ODAM: variants seen among roughly 807,000 people sequenced by gnomAD.
The protein encoded by ODAM is odontogenic, ameloblast associated.
A neutral mutation model predicts 48.5 loss-of-function variants in ODAM; 55 were observed. The observed-to-expected ratio is 1.13, with a 90% CI of 0.91 to 1.42. The LOEUF is 1.42. Among genes scored for constraint, ODAM ranks in the 40% most tolerant of loss-of-function variants. ODAM has a pLI of 0.00. For synonymous variants in ODAM, 127 were observed against 107.8 expected, an observed-to-expected ratio of 1.18 and a Z score of -1.10; for missense variants, 353 against 323.6, an observed-to-expected ratio of 1.09 and a Z score of -0.70.
intron 7 of ODAM, 65 bp downstream of exon 7, chr4:70,200,666 T>A: frequency 1.9e-6 from 2 of 1,078,048 alleles, no homozygotes; most frequent in Non-Finnish European, 2.7e-6. Flanking sequence ...TAAGGTATAT[T>A]ACCATAGAAA....
Position 70,202,780 on chromosome 4 carries a change from T to C in ODAM, c.673T>C (p.Leu225=), listed in dbSNP as rs1729531312. Residue 225 remains leucine, a synonymous_variant, in exon 10 of 12, where the codon TTA becomes CTA. Coordinates refer to ENST00000683306, the MANE Select transcript of ODAM (RefSeq NM_017855.4). ...GTCAACAGGAGAAGAGATACCATAT[T>C]TACAAAAAGAAGCGATCAACTTTAG... ...VMSTGEEIPY[L]QKEAINFRHD... is the part of the protein sequence containing the mutation. 6.2e-7 allele frequency: 1 copy of C among 1,610,914 alleles called. No individual in the cohort carries two copies. The highest frequency in any genetic ancestry group is 1.7e-5 in the Admixed American group (1 of 59,570).
chr4:70,198,254 T>C (rs1199671778), intron 5 of ODAM, 97 bp downstream of exon 5: 16 of 1,006,902 alleles, frequency 1.6e-5, no homozygotes, highest in Non-Finnish European at 5.8e-6. Flanking sequence ...CAGGGGTTTT[T>C]GAACAATATT....
intron 6 of ODAM, among the ~76,000 whole-genome samples, chr4:70,199,601 T>C (rs1225025093): frequency 6.6e-6 from 1 of 152,038 alleles, no homozygotes; most frequent in Non-Finnish European, 1.5e-5. Flanking sequence ...CTCTCCATCC[T>C]GGCTTTACAT....
intron 11 of ODAM, 39 bp from the exon 12 acceptor site, chr4:70,204,136 T>TC (rs2109822130): frequency 6.6e-6 from 1 of 152,088 alleles, no homozygotes; most frequent in Non-Finnish European, 1.5e-5. Flanking sequence ...TGCAAAGCAG[T>TC]CCAATGATAT....
chr4:70,199,622 G>A (rs116323800), intron 6 of ODAM, among the ~76,000 whole-genome samples: 1,651 of 151,928 alleles, frequency 0.011, 25 homozygotes, highest in African/African-American at 0.038. Context: ...TAGAATCTCT[G>A]GTGTTTGAAA....
At chr4:70,196,989 C>T (rs572817738) in intron 3 of ODAM, among the ~76,000 whole-genome samples, 5 of 152,148 alleles carry the variant, frequency 3.3e-5, no homozygotes, top group African/African-American at 1.2e-4. Context: ...TAACACCTCA[C>T]ACAGGTGTAT....
At chr4:70,202,148 ATAATT>A (rs1729510156) in intron 8 of ODAM, 105 bp from the exon 9 acceptor site, 4 of 745,834 alleles carry the variant, frequency 5.4e-6, no homozygotes, top group Non-Finnish European at 9.3e-6. Flanking sequence ...TTTTAGCAAA[ATAATT>A]TAAGAAGTTT....
In ODAM at chr4:70,202,583, G is replaced by T. The variant is rs185124921; in HGVS notation, c.649-173G>T. 8.7e-4 allele frequency among the ~76,000 whole-genome samples: 132 copies of T among 151,842 alleles called. 1 individual carries two copies. Among genetic ancestry groups the T allele is most frequent in the Non-Finnish European group, 1.9e-4 (13 of 67,852 alleles). Reference sequence around the variant, plus strand: ...AGATATTAAGAGACAATGTTTGCTGGTATATATTCATGGTCTTTTATGTAG... The same window carrying T: ...AGATATTAAGAGACAATGTTTGCTGTTATATATTCATGGTCTTTTATGTAG... On this transcript the variant is annotated intron_variant, in intron 9 of 11. Coordinates refer to ENST00000683306, the MANE Select transcript of ODAM (RefSeq NM_017855.4).
chr4:70,200,042 T>G, intron 6 of ODAM: 1 of 417,588 alleles, frequency 2.4e-6, no homozygotes, highest in South Asian at 1.8e-5. Context: ...TATGGATTAT[T>G]TTAATAAAGT....
Position 70,198,133 on chromosome 4 carries a change from TCAGACA to T in ODAM, c.354_359del (p.Thr119_Gln120del). 6.2e-7 allele frequency: 1 copy of T among 1,613,106 alleles called. No homozygotes were observed. Among genetic ancestry groups the T allele is most frequent in the East Asian group, 2.2e-5 (1 of 44,816 alleles). On this transcript the variant is annotated inframe_deletion, in exon 5 of 12. Transcript: ENST00000683306. ...ATCCCTTACAGCTTCAAACACCGCC[TCAGACA>T]CAACCAGGCCCCAGTCACGTAAGTC...
rs2272039 is a variant in ODAM at position 70,200,631 on chromosome 4, T to C, written c.528+30T>C. ...TGCAAATGTTTTATTTTAATCCTAC[T>C]AGTTCCACTTGAAAATAGAGAAAAT... On this transcript the variant is annotated intron_variant, in intron 7 of 11. Coordinates refer to ENST00000683306, the MANE Select transcript of ODAM (RefSeq NM_017855.4). 139 of 1,381,668 alleles carry C rather than the reference T, an allele frequency of 1.0e-4. 1 individual carries two copies. The East Asian group carries it at 2.8e-3, about 28-fold the overall frequency. The allele number at this position is 1,381,668 out of a possible 1,614,324, so 85.6% of individuals were successfully genotyped here.
intron 6 of ODAM, among the ~76,000 whole-genome samples, 166 bp downstream of exon 6, chr4:70,198,792 G>A (rs564130678): frequency 1.3e-5 from 2 of 152,018 alleles, no homozygotes; most frequent in East Asian, 3.9e-4. Flanking sequence ...TTGATGTTGG[G>A]CTCACTTAAC....
intron 7 of ODAM, 117 bp downstream of exon 7, chr4:70,200,718 G>A: frequency 3.4e-6 from 2 of 595,940 alleles, no homozygotes; most frequent in South Asian, 4.5e-5. Flanking sequence ...TCAACAGCAT[G>A]AAACAGGTAG....
intron 1 of ODAM, 54 bp downstream of exon 1, chr4:70,195,847 C>T: frequency 1.4e-6 from 1 of 731,012 alleles, no homozygotes; most frequent in Non-Finnish European, 1.7e-6. Flanking sequence ...TCAGTGAAAT[C>T]TGCAGGATAG....
At position 70,198,684 on chromosome 4, in the gene ODAM, T is replaced by C. The variant is rs368762972; in HGVS notation, c.423+58T>C. ...TGGCTACATACACTCTCCACAATGC[T>C]TTCTATTTCTAGCTCTGACTCCTAT... is the stretch of plus-strand genomic sequence containing the variant. On this transcript the variant is annotated intron_variant, in intron 6 of 11. Transcript: ENST00000683306. The C allele has an allele frequency of 2.5e-5, 33 of 1,332,886 alleles. No homozygotes were observed. The East Asian group carries it at 3.1e-4, about 12-fold the overall frequency. 82.6% of individuals were successfully genotyped at this position (1,332,886 alleles called of 1,614,324 possible).
intron 6 of ODAM, among the ~76,000 whole-genome samples, chr4:70,199,685 T>C (rs898776288): frequency 1.3e-5 from 2 of 152,022 alleles, no homozygotes; most frequent in Non-Finnish European, 2.9e-5. Context: ...TGAATAGATG[T>C]TAAGTTTGGT....
At position 70,200,518 on chromosome 4, in the gene ODAM, T is replaced by C. The variant is rs990322730; in HGVS notation, c.445T>C (p.Tyr149His). 6.2e-7 allele frequency: 1 copy of C among 1,607,870 alleles called. No individual in the cohort carries two copies. Among genetic ancestry groups the C allele is most frequent in the Non-Finnish European group, 8.5e-7 (1 of 1,175,492 alleles). Residue 149 changes from tyrosine (Y) to histidine (H), a missense_variant, in exon 7 of 12, where the codon TAC becomes CAC. Coordinates refer to ENST00000683306, the MANE Select transcript of ODAM (RefSeq NM_017855.4). ...GTAGATGTTTCAATACTATCCAGTT[T>C]ACATGGTCCTACCCTGGGAACAACC... Reference protein sequence around the residue: ...QGQMFQYYPVYMVLPWEQPQQ... With the variant: ...QGQMFQYYPVHMVLPWEQPQQ...
intron 6 of ODAM, 134 bp from the exon 7 acceptor site, chr4:70,200,363 A>G: frequency 2.2e-5 from 12 of 550,278 alleles, no homozygotes; most frequent in Non-Finnish European, 3.2e-6. Context: ...TTCTTCATCT[A>G]TTTGCTTTGT....
At chr4:70,196,198 G>T (rs1363146408) in intron 1 of ODAM, among the ~76,000 whole-genome samples, 1 of 151,874 alleles carries the variant, frequency 6.6e-6, no homozygotes, top group Non-Finnish European at 1.5e-5. Context: ...ATGGTCTGAT[G>T]GGCCTGCTCC....
Sources: gnomAD v4.1 joint callset for allele counts (sites outside exome capture counted in the v4.1 genomes callset) on GRCh38, gnomAD v4.1.1 for gene constraint, MANE v1.5 for transcripts, NCBI Gene and HGNC (gene_info 2026-07-23, HGNC 2026-07-21) for gene names.